FHIT: variants seen among roughly 807,000 people sequenced by gnomAD.
FHIT encodes the protein bis(5'-adenosyl)-triphosphatase.
Under a neutral mutation model 17.9 loss-of-function variants are expected in FHIT, and 19 were observed. The observed-to-expected ratio is 1.06, with a 90% CI of 0.74 to 1.56. The LOEUF (loss-of-function observed/expected upper bound fraction) is 1.56, where lower values mean the gene tolerates loss of function less well. Ranked by LOEUF, FHIT falls within the 40% of genes most tolerant of loss-of-function variation. FHIT has a pLI of 0.00. For synonymous variants in FHIT, 81 were observed against 69.7 expected (o/e 1.16, Z -0.81); for missense variants, 248 against 189.2 (o/e 1.31, Z -1.82).
At chr3:59,946,281 CTA>C (rs1163291405) in intron 7 of FHIT, among the ~76,000 whole-genome samples, 1 of 152,102 alleles carries the variant, frequency 6.6e-6, no homozygotes, top group Non-Finnish European at 1.5e-5. Context: ...GTGTGTTTGA[CTA>C]TTGTGAATGG....
intron 2 of FHIT, among the ~76,000 whole-genome samples, chr3:61,059,251 C>A (rs1337101826): frequency 6.6e-6 from 1 of 152,130 alleles, no homozygotes; most frequent in African/African-American, 2.4e-5. Context: ...AGTATCCCAT[C>A]GACCACAGCT....
chr3:59,974,299 C>T (rs575168297), intron 7 of FHIT, among the ~76,000 whole-genome samples: 5 of 152,128 alleles, frequency 3.3e-5, no homozygotes, highest in Non-Finnish European at 7.4e-5. Context: ...TGCCTCACTT[C>T]GTACAGTAAG....
At chr3:60,920,530 G>T (rs1336638865) in intron 3 of FHIT, among the ~76,000 whole-genome samples, 1 of 151,964 alleles carries the variant, frequency 6.6e-6, no homozygotes, top group East Asian at 1.9e-4. Flanking sequence ...TCCTTCAGAA[G>T]GTAATATTTA....
At chr3:60,549,214 T>C (rs1162317015) in intron 4 of FHIT, among the ~76,000 whole-genome samples, 1 of 152,154 alleles carries the variant, frequency 6.6e-6, no homozygotes, top group Non-Finnish European at 1.5e-5. Context: ...GTTACATAAA[T>C]ACAAATAAAA....
At chr3:60,583,027 A>C (rs977463036) in intron 4 of FHIT, among the ~76,000 whole-genome samples, 1 of 151,860 alleles carries the variant, frequency 6.6e-6, no homozygotes, top group African/African-American at 2.4e-5. Context: ...AGTGAGAAGC[A>C]ACATGGTCCC....
chr3:60,326,576 G>T (rs1253753322), intron 5 of FHIT, among the ~76,000 whole-genome samples: 1 of 152,176 alleles, frequency 6.6e-6, no homozygotes, highest in African/African-American at 2.4e-5. Context: ...TTCCTAACAG[G>T]CCATGGACTG....
chr3:60,156,161 G>A (rs937693536), intron 5 of FHIT, among the ~76,000 whole-genome samples: 5 of 151,056 alleles, frequency 3.3e-5, no homozygotes, highest in South Asian at 2.1e-4. Flanking sequence ...AGACCAGCCC[G>A]ACCAACATGG....
chr3:61,045,883 A>G (rs761943183), intron 2 of FHIT, among the ~76,000 whole-genome samples: 1 of 152,220 alleles, frequency 6.6e-6, no homozygotes, highest in Non-Finnish European at 1.5e-5. Context: ...CTGCTCCTAA[A>G]TGACTACTGG....
intron 5 of FHIT, among the ~76,000 whole-genome samples, chr3:60,433,705 A>G (rs2029943470): frequency 6.6e-6 from 1 of 152,092 alleles, no homozygotes; most frequent in South Asian, 2.1e-4. Flanking sequence ...CCTGTTGGCT[A>G]TTAGCATGTT....
At chr3:60,150,305 A>C (rs903584676) in intron 5 of FHIT, among the ~76,000 whole-genome samples, 1 of 151,994 alleles carries the variant, frequency 6.6e-6, no homozygotes, top group South Asian at 2.1e-4. Flanking sequence ...CCTGCCTTTA[A>C]GCATTTAATG....
intron 5 of FHIT, among the ~76,000 whole-genome samples, chr3:60,320,305 C>A (rs1031671113): frequency 4.6e-5 from 7 of 152,158 alleles, no homozygotes; most frequent in African/African-American, 1.7e-4. Flanking sequence ...CGCAGGATAG[C>A]GGCAGCGTTA....
At chr3:60,801,068 A>G (rs1701170720) in intron 4 of FHIT, among the ~76,000 whole-genome samples, 1 of 152,166 alleles carries the variant, frequency 6.6e-6, no homozygotes, top group South Asian at 2.1e-4. Flanking sequence ...TCAAGTCGAT[A>G]ACAACTACAG....
At chr3:59,803,439 G>A (rs963518975) in intron 8 of FHIT, among the ~76,000 whole-genome samples, 5 of 152,310 alleles carry the variant, frequency 3.3e-5, no homozygotes, top group East Asian at 3.9e-4. Flanking sequence ...AGAGACCTCC[G>A]CCAGCTCCTG....
chr3:60,821,271 T>C (rs1559748359), intron 4 of FHIT, among the ~76,000 whole-genome samples: 1 of 152,152 alleles, frequency 6.6e-6, no homozygotes, highest in Non-Finnish European at 1.5e-5. Flanking sequence ...GCTGCTATTT[T>C]TAAAAATACA....
At chr3:60,769,081 T>C (rs1476683384) in intron 4 of FHIT, among the ~76,000 whole-genome samples, 1 of 152,218 alleles carries the variant, frequency 6.6e-6, no homozygotes, top group African/African-American at 2.4e-5. Context: ...ACTCATTTTA[T>C]ATGTACATAT....
At chr3:59,851,137 G>C (rs994416876) in intron 8 of FHIT, among the ~76,000 whole-genome samples, 4 of 152,108 alleles carry the variant, frequency 2.6e-5, no homozygotes, top group Non-Finnish European at 5.9e-5. Context: ...ATCTGGCTGA[G>C]TTCCAGACAG....
chr3:60,334,844 C>T (rs985117428), intron 5 of FHIT, among the ~76,000 whole-genome samples: 25 of 152,326 alleles, frequency 1.6e-4, no homozygotes, highest in African/African-American at 6.0e-4. Context: ...ATTAAACGAA[C>T]TATCTGTGAT....
intron 5 of FHIT, among the ~76,000 whole-genome samples, chr3:60,086,185 C>T (rs1703485422): frequency 6.6e-6 from 1 of 152,100 alleles, no homozygotes; most frequent in South Asian, 2.1e-4. Flanking sequence ...TTTTTAACAA[C>T]CATCTCTTCT....
At chr3:60,668,026 C>T (rs1285621323) in intron 4 of FHIT, among the ~76,000 whole-genome samples, 1 of 151,830 alleles carries the variant, frequency 6.6e-6, no homozygotes, top group Non-Finnish European at 1.5e-5. Flanking sequence ...GAGTCTCAGG[C>T]ATGTGAGAAC....
Sources: allele counts gnomAD v4.1 joint callset (sites outside exome capture counted in the v4.1 genomes callset), GRCh38; gene constraint gnomAD v4.1.1; transcripts MANE v1.5; gene names NCBI Gene and HGNC (gene_info 2026-07-23, HGNC 2026-07-21).